Variants in DDHD1 observed in about 807,000 individuals in gnomAD.
DDHD1 encodes the protein DDHD domain containing 1, also known as phospholipase DDHD1.
In DDHD1, 49 loss-of-function variants were observed where a neutral mutation model predicts 96.4. The observed-to-expected ratio is 0.51, with a 90% confidence interval of 0.40 to 0.64. DDHD1 has a LOEUF of 0.64. Among genes scored for constraint, DDHD1 ranks in the 30% least tolerant of loss-of-function variants. The pLI is 0.00. For synonymous variants in DDHD1, 442 were observed against 446.5 expected, an observed-to-expected ratio of 0.99 and a Z score of 0.13; for missense variants, 1,106 against 1,161.2, an observed-to-expected ratio of 0.95 and a Z score of 0.69.
intron 9 of DDHD1, among the ~76,000 whole-genome samples, chr14:53,057,010 G>C (rs1350691330): frequency 6.6e-6 from 1 of 152,042 alleles, no homozygotes; most frequent in Non-Finnish European, 1.5e-5. Flanking sequence ...AATCCTAGAA[G>C]GCAAAATATT....
At position 53,050,990 on chromosome 14, in the gene DDHD1, T is replaced by C. The variant is rs962417630; in HGVS notation, c.2521+854A>G. Reference sequence around the variant, plus strand: ...GGGCAGAGACCAGAGACAGCACTTATGTAAGATAATTTCTTAAGGGGAATT... The same window carrying C: ...GGGCAGAGACCAGAGACAGCACTTACGTAAGATAATTTCTTAAGGGGAATT... On this transcript the variant is annotated intron_variant, in intron 12 of 12. Transcript: ENST00000673822. 4.6e-5 allele frequency among the ~76,000 whole-genome samples: 7 copies of C among 151,118 alleles called. No homozygotes were observed. The East Asian group carries it at 9.7e-4, about 21-fold the overall frequency.
intron 1 of DDHD1, among the ~76,000 whole-genome samples, chr14:53,106,866 G>A (rs1460095002): frequency 6.6e-6 from 1 of 152,162 alleles, no homozygotes; most frequent in African/African-American, 2.4e-5. Flanking sequence ...AAAGTGTTGA[G>A]TTATGGTTTA....
chr14:53,055,350 A>G (rs1882949587), intron 10 of DDHD1, among the ~76,000 whole-genome samples: 1 of 152,230 alleles, frequency 6.6e-6, no homozygotes, highest in Admixed American at 6.5e-5. Context: ...TAGAGCATTA[A>G]AAACTATATT....
intron 9 of DDHD1, among the ~76,000 whole-genome samples, chr14:53,057,837 T>A (rs1367029157): frequency 1.3e-5 from 2 of 152,252 alleles, no homozygotes; most frequent in Non-Finnish European, 2.9e-5. Flanking sequence ...TGGCACCTTG[T>A]AAGATGTCTT....
intron 6 of DDHD1, among the ~76,000 whole-genome samples, chr14:53,066,514 A>C (rs1884029512): frequency 6.6e-6 from 1 of 152,208 alleles, no homozygotes; most frequent in African/African-American, 2.4e-5. Flanking sequence ...ATGCCTCACA[A>C]ATAAACCAAA....
At position 53,099,343 on chromosome 14, in the gene DDHD1, T is replaced by G. The variant is rs145439523; in HGVS notation, c.1012+4340A>C. On this transcript the variant is annotated intron_variant, in intron 2 of 12. Coordinates refer to ENST00000673822, the MANE Select transcript of DDHD1 (RefSeq NM_001160148.2). ...ATTCAGGTTTCTCTAGTTTTTCCAC[T>G]AGTATCTTTTTCTGTTCTACGATCC... 1.4e-4 allele frequency among the ~76,000 whole-genome samples: 21 copies of G among 152,324 alleles called. No homozygotes were observed. The East Asian group carries it at 3.7e-3, about 27-fold the overall frequency.
chr14:53,091,329 G>A (rs1010046482), intron 4 of DDHD1, among the ~76,000 whole-genome samples: 1 of 152,146 alleles, frequency 6.6e-6, no homozygotes, highest in African/African-American at 2.4e-5. Context: ...ATAATCCACT[G>A]TTTTCCACAT....
rs374787881 is a variant in DDHD1 at position 53,052,023 on chromosome 14, A to C, written c.2438-96T>G. On this transcript the variant is annotated intron_variant, in intron 11 of 12. Coordinates refer to ENST00000673822, the MANE Select transcript of DDHD1 (RefSeq NM_001160148.2). The stretch of plus-strand genomic sequence containing the variant: ...GGCCAAAAGTTAGAACAATACTCCC[A>C]AATAAACTGACTAAATCTAGCATAC... 40 of 821,572 alleles carry C rather than the reference A, an allele frequency of 4.9e-5. 2 individuals carry two copies. Among genetic ancestry groups the C allele is most frequent in the African/African-American group, 1.9e-4 (11 of 58,172 alleles). The allele number at this position is 821,572 out of a possible 1,614,324, so 50.9% of individuals were successfully genotyped here. A position where few individuals can be genotyped will look rare whatever the true frequency, so the allele number is the denominator to read the frequency against.
chr14:53,068,770 T>C (rs769155746), intron 6 of DDHD1, among the ~76,000 whole-genome samples: 1 of 152,202 alleles, frequency 6.6e-6, no homozygotes, highest in Non-Finnish European at 1.5e-5. Context: ...TGTCGCTCTT[T>C]CTTAAACGAA....
At chr14:53,087,575 G>A (rs1317341078) in intron 4 of DDHD1, among the ~76,000 whole-genome samples, 4 of 152,132 alleles carry the variant, frequency 2.6e-5, no homozygotes, top group Non-Finnish European at 4.4e-5. Context: ...GGTACATAAC[G>A]AAATGAAGGC....
At chr14:53,070,122 A>G (rs1884390152) in intron 6 of DDHD1, among the ~76,000 whole-genome samples, 1 of 152,154 alleles carries the variant, frequency 6.6e-6, no homozygotes, top group Admixed American at 6.5e-5. Context: ...ATATATGCAC[A>G]TATGTGTATT....
At chr14:53,082,574 T>C (rs1885581103) in intron 4 of DDHD1, among the ~76,000 whole-genome samples, 2 of 150,700 alleles carry the variant, frequency 1.3e-5, no homozygotes, top group Admixed American at 6.7e-5. Context: ...GCCTGACCAA[T>C]ATGGTGAAGC....
chr14:53,144,694 CAGAATG>C (rs950744903), intron 1 of DDHD1, among the ~76,000 whole-genome samples: 10 of 152,182 alleles, frequency 6.6e-5, no homozygotes, highest in African/African-American at 2.4e-4. Context: ...AGCAATTCTA[CAGAATG>C]AGAATAACAG....
rs1375978776 is a variant in DDHD1 at position 53,039,875 on chromosome 14, A to G, written c.*6893T>C. ...ATGTCTAAGCTGTCAGACTGTCATG[A>G]CCATGCACCAATCTCTTTCCTTTCA... On this transcript the variant is annotated 3_prime_UTR_variant, in exon 13 of 13. Transcript: ENST00000673822. 1 of 152,314 alleles carries G rather than the reference A, an allele frequency of 6.6e-6. No individual in the cohort carries two copies. Among genetic ancestry groups the G allele is most frequent in the Non-Finnish European group, 1.5e-5 (1 of 68,164 alleles). 9.4% of individuals were successfully genotyped at this position (152,314 alleles called of 1,614,324 possible). A position where few individuals can be genotyped will look rare whatever the true frequency, so the allele number is the denominator to read the frequency against.
At chr14:53,087,252 CGA>C (rs1886058816) in intron 4 of DDHD1, among the ~76,000 whole-genome samples, 1 of 151,994 alleles carries the variant, frequency 6.6e-6, no homozygotes, top group African/African-American at 2.4e-5. Flanking sequence ...GACGGATCAA[CGA>C]GATAGAAGGT....
intron 2 of DDHD1, among the ~76,000 whole-genome samples, chr14:53,098,923 T>C (rs1169349402): frequency 6.6e-6 from 1 of 152,072 alleles, no homozygotes; most frequent in Non-Finnish European, 1.5e-5. Flanking sequence ...TCTTAAACAA[T>C]CTGTCACTTT....
At chr14:53,080,509 G>A (rs1342132511) in intron 4 of DDHD1, among the ~76,000 whole-genome samples, 1 of 152,004 alleles carries the variant, frequency 6.6e-6, no homozygotes, top group Non-Finnish European at 1.5e-5. Context: ...TCCTTCATCT[G>A]TAAGTTGAAA....
chr14:53,122,198 C>T (rs777661226), intron 1 of DDHD1, among the ~76,000 whole-genome samples: 1 of 152,184 alleles, frequency 6.6e-6, no homozygotes. Context: ...TGCTAACAGC[C>T]GTGGCACCTT....
chr14:53,084,917 C>A (rs1252678840), intron 4 of DDHD1, among the ~76,000 whole-genome samples: 1 of 152,216 alleles, frequency 6.6e-6, no homozygotes, highest in African/African-American at 2.4e-5. Context: ...GAGACACTGC[C>A]ACTTAAATAC....
Sources: gnomAD v4.1 joint callset for allele counts (sites outside exome capture counted in the v4.1 genomes callset) on GRCh38, gnomAD v4.1.1 for gene constraint, MANE v1.5 for transcripts, NCBI Gene and HGNC (gene_info 2026-07-23, HGNC 2026-07-21) for gene names.